MYO5A: variants seen among roughly 807,000 people sequenced by gnomAD.
MYO5A encodes the protein unconventional myosin-Va.
A neutral mutation model predicts 249.7 loss-of-function variants in MYO5A; 98 were observed. The observed-to-expected ratio is 0.39, with a 90% confidence interval of 0.33 to 0.46. MYO5A has a LOEUF of 0.46. Ranked by LOEUF, MYO5A falls within the 20% of genes least tolerant of loss-of-function variation. The probability of loss-of-function intolerance (pLI) is 0.98; values close to 1 mark genes in which losing one functional copy is unlikely to be tolerated. For synonymous variants in MYO5A, 778 were observed against 810.6 expected, an observed-to-expected ratio of 0.96 and a Z score of 0.68; for missense variants, 1,696 against 2,308.8, an observed-to-expected ratio of 0.73 and a Z score of 5.44.
At chr15:52,501,030 C>G (rs1327645203) in intron 1 of MYO5A, among the ~76,000 whole-genome samples, 3 of 151,690 alleles carry the variant, frequency 2.0e-5, no homozygotes, top group African/African-American at 7.3e-5. Context: ...AGTGCAGTGG[C>G]AAGATCTTGG....
chr15:52,443,667 C>T (rs951859892), intron 1 of MYO5A, among the ~76,000 whole-genome samples: 5 of 146,096 alleles, frequency 3.4e-5, no homozygotes, highest in African/African-American at 7.7e-5. Context: ...GAGACTGGGC[C>T]ACTGCACTTT....
At chr15:52,494,418 T>C (rs890210159) in intron 1 of MYO5A, among the ~76,000 whole-genome samples, 1 of 152,228 alleles carries the variant, frequency 6.6e-6, no homozygotes, top group Non-Finnish European at 1.5e-5. Flanking sequence ...GGGTTACAAA[T>C]ATACTATAGT....
chr15:52,404,860 T>C (rs1028007448), intron 9 of MYO5A, among the ~76,000 whole-genome samples: 3 of 152,172 alleles, frequency 2.0e-5, no homozygotes, highest in African/African-American at 7.2e-5. Context: ...GGCCCTTTCA[T>C]GTCATATCAT....
chr15:52,505,335 G>A (rs975105158), intron 1 of MYO5A: 8 of 777,740 alleles, frequency 1.0e-5, no homozygotes, highest in Non-Finnish European at 1.9e-5. Context: ...CTGCCGACTT[G>A]TGTCATGCTC....
chr15:52,319,376 T>A (rs1220813178), intron 38 of MYO5A, 34 bp from the exon 39 acceptor site: 1 of 1,604,406 alleles, frequency 6.2e-7, no homozygotes, highest in African/African-American at 1.3e-5. Flanking sequence ...GAGGAGATGA[T>A]GTGGAAGGGA....
At chr15:52,494,562 G>A (rs778348275) in intron 1 of MYO5A, among the ~76,000 whole-genome samples, 7 of 152,016 alleles carry the variant, frequency 4.6e-5, no homozygotes, top group East Asian at 3.8e-4. Flanking sequence ...GCACCATCTC[G>A]GCTCACTGCA....
chr15:52,385,305 C>T (rs2041928202), intron 14 of MYO5A, among the ~76,000 whole-genome samples: 1 of 152,084 alleles, frequency 6.6e-6, no homozygotes, highest in African/African-American at 2.4e-5. Context: ...AAATTAGATG[C>T]TATCATGATT....
chr15:52,334,862 A>G (rs893049707), intron 34 of MYO5A, among the ~76,000 whole-genome samples: 2 of 152,260 alleles, frequency 1.3e-5, no homozygotes, highest in African/African-American at 2.4e-5. Flanking sequence ...ATTGTGGTAC[A>G]CAGAGAGCAG....
At chr15:52,336,376 C>T (rs190237353) in intron 34 of MYO5A, 87 bp downstream of exon 34, 1 of 834,048 alleles carries the variant, frequency 1.2e-6, no homozygotes. Flanking sequence ...GCATGCAAAC[C>T]TCTATTAGGC....
At chr15:52,450,843 G>GTTTTTTTTTTTTTTTTTT (rs56842960) in intron 1 of MYO5A, among the ~76,000 whole-genome samples, 2 of 84,588 alleles carry the variant, frequency 2.4e-5, no homozygotes, top group African/African-American at 5.0e-5. Context: ...CACTACTGTG[G>GTTTTTTTTTTTTTTTTTT]TTTTTTTTTT....
At chr15:52,502,059 G>C (rs774066583) in intron 1 of MYO5A, among the ~76,000 whole-genome samples, 1 of 151,984 alleles carries the variant, frequency 6.6e-6, no homozygotes, top group South Asian at 2.1e-4. Context: ...AGGCCAAAGC[G>C]GGCAGATCAC....
chr15:52,468,923 T>C (rs1567155097), intron 1 of MYO5A, among the ~76,000 whole-genome samples: 1 of 152,180 alleles, frequency 6.6e-6, no homozygotes. Context: ...TACTTCCATA[T>C]TTCTCATTTT....
chr15:52,342,575 C>T (rs148720433), intron 31 of MYO5A, among the ~76,000 whole-genome samples: 33 of 152,276 alleles, frequency 2.2e-4, no homozygotes, highest in African/African-American at 7.5e-4. Flanking sequence ...ATATTCACCA[C>T]CATTCAATTT....
At chr15:52,355,006 A>T (rs2040145488) in intron 25 of MYO5A, among the ~76,000 whole-genome samples, 1 of 152,252 alleles carries the variant, frequency 6.6e-6, no homozygotes, top group Non-Finnish European at 1.5e-5. Flanking sequence ...TATACCTAGC[A>T]CATGCATATA....
Position 52,319,480 on chromosome 15 carries a change from C to T in MYO5A, c.4952-138G>A, listed in dbSNP as rs555874422. On this transcript the variant is annotated intron_variant, in intron 38 of 41. Transcript: ENST00000399233. Reference sequence around the variant, plus strand: ...CGGTGGCTCACATCTGTAATCCCAGCACTTTGGGAGGCCGCCGAGGTGGGT... The same window carrying T: ...CGGTGGCTCACATCTGTAATCCCAGTACTTTGGGAGGCCGCCGAGGTGGGT... 3 of 988,318 alleles carry T rather than the reference C, an allele frequency of 3.0e-6. No homozygotes were observed. The African/African-American group carries it at 4.8e-5, about 16-fold the overall frequency. The allele number at this position is 988,318 out of a possible 1,614,324, so 61.2% of individuals were successfully genotyped here.
Position 52,364,329 on chromosome 15 carries a change from G to A in MYO5A, c.3309+225C>T, listed in dbSNP as rs28480975. Among the ~76,000 whole-genome samples the A allele has an allele frequency of 0.053, 7,999 of 151,914 alleles. 603 individuals are homozygous for A. The highest frequency in any genetic ancestry group is 0.17 in the African/African-American group (7,087 of 41,426). On this transcript the variant is annotated intron_variant, in intron 24 of 41. Coordinates refer to ENST00000399233, the MANE Select transcript of MYO5A (RefSeq NM_001382347.1). ...CTTTAAACTGTTTGACTTTACCGAA[G>A]TACTTGTGAATAAAATTATATGATT... is the stretch of plus-strand genomic sequence containing the variant.
intron 22 of MYO5A, among the ~76,000 whole-genome samples, chr15:52,368,275 A>C (rs1237185651): frequency 2.6e-5 from 4 of 152,052 alleles, no homozygotes; most frequent in Non-Finnish European, 5.9e-5. Context: ...TTCCCTCTGG[A>C]CTGACCTTGC....
intron 40 of MYO5A, among the ~76,000 whole-genome samples, chr15:52,314,783 AT>A (rs572261427): frequency 0.016 from 2,488 of 151,796 alleles, 25 homozygotes; most frequent in Non-Finnish European, 0.028. Context: ...AAGTTCAATA[AT>A]TTTTTTTTGT....
At chr15:52,416,414 C>A (rs550414382) in intron 4 of MYO5A, 113 bp from the exon 5 acceptor site, 3 of 1,140,664 alleles carry the variant, frequency 2.6e-6, no homozygotes, top group South Asian at 2.7e-5. Context: ...ATTTTTTGGT[C>A]GATACTGGTG....
Sources: allele counts gnomAD v4.1 joint callset (sites outside exome capture counted in the v4.1 genomes callset), GRCh38; gene constraint gnomAD v4.1.1; transcripts MANE v1.5; gene names NCBI Gene and HGNC (gene_info 2026-07-23, HGNC 2026-07-21).